SMCHD1: variants seen among roughly 807,000 people sequenced by gnomAD.
The protein encoded by SMCHD1 is structural maintenance of chromosomes flexible hinge domain containing 1.
A neutral mutation model predicts 254.7 loss-of-function variants in SMCHD1; 78 were observed. The observed-to-expected ratio is 0.31, with a 90% confidence interval of 0.26 to 0.37. SMCHD1 has a LOEUF of 0.37. Among genes scored for constraint, SMCHD1 ranks in the 10% least tolerant of loss-of-function variants. The pLI, the probability that SMCHD1 is intolerant of heterozygous loss-of-function variation, is 1.00. For missense variants in SMCHD1, 1,840 were observed against 2,408.1 expected (o/e 0.76, Z 4.94); for synonymous variants, 766 against 794.9 (o/e 0.96, Z 0.61).
rs374516159 is a variant in SMCHD1 at position 2,758,405 on chromosome 18, AT to A, written c.4347-2244del. ...TTAAGCAGTGCATGGATCTTAGAAC[AT>A]TTACTTCCATTCCCTTCTCCCAATT... On this transcript the variant is annotated intron_variant, in intron 34 of 47. Coordinates refer to ENST00000320876, the MANE Select transcript of SMCHD1 (RefSeq NM_015295.3). Among the ~76,000 whole-genome samples the A allele has an allele frequency of 3.9e-4, 59 of 152,156 alleles. No individual in the cohort carries two copies. The East Asian group carries it at 0.011, about 28-fold the overall frequency.
At chr18:2,704,604 AT>A (rs141807133) in intron 13 of SMCHD1, among the ~76,000 whole-genome samples, 10,005 of 138,816 alleles carry the variant, frequency 0.072, 609 homozygotes, top group African/African-American at 0.18. Flanking sequence ...AGAGGAGAGG[AT>A]TTTTTTTTTT....
intron 22 of SMCHD1, among the ~76,000 whole-genome samples, chr18:2,727,413 G>A (rs1274583155): frequency 6.6e-6 from 1 of 152,078 alleles, no homozygotes; most frequent in Non-Finnish European, 1.5e-5. Context: ...AAGAATTTAG[G>A]TAGGTCCATT....
intron 25 of SMCHD1, among the ~76,000 whole-genome samples, chr18:2,736,067 A>G (rs117372975): frequency 0.018 from 2,730 of 152,248 alleles, 40 homozygotes; most frequent in Middle Eastern, 0.1. Flanking sequence ...AAACACATAG[A>G]CCAGTGGAGG....
chr18:2,706,878 G>A (rs60858019), intron 15 of SMCHD1, among the ~76,000 whole-genome samples: 2,375 of 152,210 alleles, frequency 0.016, 44 homozygotes, highest in African/African-American at 0.053. Flanking sequence ...TGACTCAGTC[G>A]TGCATGGCTG....
At chr18:2,801,153 G>T (rs62077977) in intron 47 of SMCHD1, 6 of 152,048 alleles carry the variant, frequency 3.9e-5, no homozygotes, top group Non-Finnish European at 7.3e-5. Flanking sequence ...TGTGGAAGAG[G>T]ATTTCCTAGG....
Position 2,740,758 on chromosome 18 carries a change from T to C in SMCHD1, c.3570T>C (p.Ser1190=), listed in dbSNP as rs985524141. 2 of 1,612,030 alleles carry C rather than the reference T, an allele frequency of 1.2e-6. No individual in the cohort carries two copies. Among genetic ancestry groups the C allele is most frequent in the Non-Finnish European group, 1.7e-6 (2 of 1,178,788 alleles). The part of the protein sequence containing the change: ...GNQIQAFSPS[S]LSSLSIAGVG... ...AGATTCAAGCATTTTCACCAAGTTCTTTATCTTCTTTGTCAATTGCTGGGG... is the reference window on the plus strand; with the variant it reads ...AGATTCAAGCATTTTCACCAAGTTCCTTATCTTCTTTGTCAATTGCTGGGG... Residue 1190 remains serine (S), a synonymous_variant, in exon 28 of 48, where the codon TCT becomes TCC. Transcript: ENST00000320876.
chr18:2,763,535 A>T (rs1263603721), intron 36 of SMCHD1, 102 bp from the exon 37 acceptor site: 1 of 932,174 alleles, frequency 1.1e-6, no homozygotes, highest in Non-Finnish European at 1.5e-6. Flanking sequence ...CAGATAATTT[A>T]ATGTTGGGGG....
chr18:2,659,951 A>G (rs1598272556), intron 1 of SMCHD1, among the ~76,000 whole-genome samples: 1 of 152,310 alleles, frequency 6.6e-6, no homozygotes, highest in East Asian at 1.9e-4. Flanking sequence ...GTGAAAAAAT[A>G]ATTTTAAAAA....
intron 3 of SMCHD1, among the ~76,000 whole-genome samples, chr18:2,671,013 C>T (rs1329483624): frequency 4.0e-5 from 6 of 149,530 alleles, no homozygotes; most frequent in East Asian, 2.0e-4. Flanking sequence ...CTCGGCTCAC[C>T]GCAACCTCCG....
intron 44 of SMCHD1, among the ~76,000 whole-genome samples, chr18:2,781,801 C>T (rs897039363): frequency 6.6e-6 from 1 of 152,054 alleles, no homozygotes; most frequent in East Asian, 1.9e-4. Context: ...AATATTCAGA[C>T]TGCAACCCAG....
intron 5 of SMCHD1, among the ~76,000 whole-genome samples, chr18:2,685,054 G>A (rs1344019402): frequency 1.4e-5 from 2 of 145,310 alleles, no homozygotes; most frequent in Middle Eastern, 3.5e-3. Context: ...ATACACGTCT[G>A]CCCTGTTTTC....
intron 47 of SMCHD1, among the ~76,000 whole-genome samples, chr18:2,798,797 G>A (rs2076307172): frequency 6.6e-6 from 1 of 152,152 alleles, no homozygotes; most frequent in Non-Finnish European, 1.5e-5. Flanking sequence ...AGTATTTTAT[G>A]AACAGTGGGA....
intron 30 of SMCHD1, 60 bp from the exon 31 acceptor site, chr18:2,749,983 A>G: frequency 2.8e-6 from 4 of 1,404,620 alleles, no homozygotes; most frequent in African/African-American, 1.4e-5. Flanking sequence ...AATGGAAGAA[A>G]AGAACTTGAT....
intron 45 of SMCHD1, among the ~76,000 whole-genome samples, chr18:2,791,068 A>G (rs1310846680): frequency 6.6e-6 from 1 of 152,260 alleles, no homozygotes; most frequent in Non-Finnish European, 1.5e-5. Context: ...AAATTAGCAT[A>G]CAAAAATAAT....
chr18:2,751,510 T>A (rs1175911075), intron 33 of SMCHD1, 117 bp downstream of exon 33: 3 of 612,744 alleles, frequency 4.9e-6, no homozygotes, highest in Non-Finnish European at 8.5e-6. Context: ...GGAAGTGAAT[T>A]TACTTCATTC....
chr18:2,751,254 A>AT (rs778451133), intron 32 of SMCHD1, 24 bp from the exon 33 acceptor site: 6 of 1,347,906 alleles, frequency 4.5e-6, no homozygotes, highest in Non-Finnish European at 6.2e-6. Context: ...GAAAGAGATA[A>AT]TTTTTTAACG....
rs376874377 is a variant in SMCHD1, at chr18:2,770,051, A to G, written c.4909A>G (p.Ile1637Val). ...TKEKDQLSQS[I>V]VMYKSLFEAS... ...AGAAAAGGACCAATTATCTCAGTCT[A>G]TTGTTATGTATAAAAGTTTATTTGA... is the stretch of plus-strand genomic sequence containing the variant. The change falls in exon 39 of 48, where the codon ATT (isoleucine) becomes GTT (valine). Residue 1637 changes from isoleucine to valine, a missense_variant. Coordinates refer to ENST00000320876, the MANE Select transcript of SMCHD1 (RefSeq NM_015295.3). The G allele has an allele frequency of 1.3e-5, 21 of 1,605,056 alleles. No homozygotes were observed. The highest frequency in any genetic ancestry group is 2.2e-5 in the East Asian group (1 of 44,698).
At position 2,730,293 on chromosome 18, in the gene SMCHD1, C is replaced by G. The variant is rs543793400; in HGVS notation, c.3048+884C>G. Reference sequence around the variant, plus strand: ...TCACGCCATTCCCCTGCCTCAGCCTCCCCAGTAGCTGGGACTACAGGCACC... The same window carrying G: ...TCACGCCATTCCCCTGCCTCAGCCTGCCCAGTAGCTGGGACTACAGGCACC... On this transcript the variant is annotated intron_variant, in intron 24 of 47. Coordinates refer to ENST00000320876, the MANE Select transcript of SMCHD1 (RefSeq NM_015295.3). Among the ~76,000 whole-genome samples the G allele has an allele frequency of 1.9e-3, 284 of 152,270 alleles. 1 individual carries two copies. The highest frequency in any genetic ancestry group is 6.3e-3 in the African/African-American group (261 of 41,556).
chr18:2,749,174 G>A (rs952573560), intron 30 of SMCHD1, among the ~76,000 whole-genome samples: 3 of 152,244 alleles, frequency 2.0e-5, no homozygotes, highest in Non-Finnish European at 4.4e-5. Flanking sequence ...CAATGGACCA[G>A]AGGGTAATTG....
Sources: gnomAD v4.1 joint callset for allele counts (sites outside exome capture counted in the v4.1 genomes callset) on GRCh38, gnomAD v4.1.1 for gene constraint, MANE v1.5 for transcripts, NCBI Gene and HGNC (gene_info 2026-07-23, HGNC 2026-07-21) for gene names.